Variants in ANO10 observed in about 807,000 individuals in gnomAD.
ANO10 encodes the protein anoctamin-10.
In ANO10, 77 loss-of-function variants were observed where a neutral mutation model predicts 74.7. That is an observed-to-expected ratio of 1.03 (90% CI 0.86 to 1.25). The LOEUF (loss-of-function observed/expected upper bound fraction) is 1.25. Ranked by LOEUF, ANO10 falls within the 50% of genes most tolerant of loss-of-function variation. The probability of loss-of-function intolerance (pLI) is 0.00; values close to 1 mark genes in which losing one functional copy is unlikely to be tolerated. For missense variants in ANO10, 721 were observed against 778.1 expected (o/e 0.93, Z 0.87); for synonymous variants, 279 against 284.9 (o/e 0.98, Z 0.21).
intron 1 of ANO10, among the ~76,000 whole-genome samples, chr3:43,680,282 G>C (rs1226222099): frequency 6.6e-6 from 1 of 152,224 alleles, no homozygotes; most frequent in Admixed American, 6.5e-5. Flanking sequence ...AGAACTATGT[G>C]ACGAATGCAC....
At chr3:43,420,273 C>G (rs1426452239) in intron 12 of ANO10, among the ~76,000 whole-genome samples, 1 of 151,840 alleles carries the variant, frequency 6.6e-6, no homozygotes, top group Non-Finnish European at 1.5e-5. Context: ...TGATGAAACC[C>G]TGTCTCTACA....
At chr3:43,508,131 G>A (rs1420598570) in intron 11 of ANO10, among the ~76,000 whole-genome samples, 1 of 152,048 alleles carries the variant, frequency 6.6e-6, no homozygotes, top group East Asian at 1.9e-4. Flanking sequence ...ACAGAAAAAT[G>A]CTCTAATTCT....
chr3:43,413,499 T>C (rs1332471509), intron 12 of ANO10, among the ~76,000 whole-genome samples: 1 of 151,852 alleles, frequency 6.6e-6, no homozygotes, highest in Non-Finnish European at 1.5e-5. Context: ...GCTTGTGCCA[T>C]ATAAGATGCC....
chr3:43,406,237 C>G (rs1032210381), intron 12 of ANO10, among the ~76,000 whole-genome samples: 1 of 152,192 alleles, frequency 6.6e-6, no homozygotes, highest in Non-Finnish European at 1.5e-5. Context: ...GCCTCCACTC[C>G]TGTGGGGCTG....
chr3:43,458,410 G>A (rs1171279990), intron 11 of ANO10, among the ~76,000 whole-genome samples: 1 of 152,120 alleles, frequency 6.6e-6, no homozygotes, highest in Non-Finnish European at 1.5e-5. Context: ...AGACCACCTT[G>A]CCCTGCAAAG....
At chr3:43,516,941 T>C (rs1179478428) in intron 11 of ANO10, among the ~76,000 whole-genome samples, 1 of 152,156 alleles carries the variant, frequency 6.6e-6, no homozygotes, top group Non-Finnish European at 1.5e-5. Flanking sequence ...GTGGTATTTA[T>C]GGAATGGCCA....
At chr3:43,375,183 T>C (rs746845838) in intron 12 of ANO10, among the ~76,000 whole-genome samples, 8 of 150,762 alleles carry the variant, frequency 5.3e-5, no homozygotes, top group Non-Finnish European at 1.0e-4. Flanking sequence ...CAGTGGCTCA[T>C]GCTGGTAATC....
intron 1 of ANO10, among the ~76,000 whole-genome samples, chr3:43,649,139 A>C (rs1291333702): frequency 6.6e-6 from 1 of 152,156 alleles, no homozygotes; most frequent in Non-Finnish European, 1.5e-5. Context: ...ATTCAAGATG[A>C]AGTTGCTCTG....
chr3:43,648,669 CCCG>C (rs1221315297), intron 1 of ANO10, among the ~76,000 whole-genome samples: 1 of 145,674 alleles, frequency 6.9e-6, no homozygotes, highest in African/African-American at 2.6e-5. Context: ...TGGGTTTTAG[CCCG>C]CTTTTTTTTT....
At chr3:43,621,330 C>G (rs1174278748) in intron 1 of ANO10, among the ~76,000 whole-genome samples, 1 of 152,120 alleles carries the variant, frequency 6.6e-6, no homozygotes, top group Non-Finnish European at 1.5e-5. Flanking sequence ...TTAAACTGTA[C>G]AGTATGTCCC....
intron 11 of ANO10, among the ~76,000 whole-genome samples, chr3:43,512,575 TG>T (rs1344868282): frequency 6.6e-6 from 1 of 152,250 alleles, no homozygotes; most frequent in Admixed American, 6.5e-5. Flanking sequence ...TATTACGTTT[TG>T]CAGTGGTGTG....
chr3:43,418,880 A>T (rs2148909028), intron 12 of ANO10, among the ~76,000 whole-genome samples: 1 of 152,376 alleles, frequency 6.6e-6, no homozygotes, highest in Admixed American at 6.5e-5. Context: ...TTCGGTAAAC[A>T]AAGTTTACTG....
intron 1 of ANO10, among the ~76,000 whole-genome samples, chr3:43,671,126 A>G (rs2084054246): frequency 6.6e-6 from 1 of 152,206 alleles, no homozygotes; most frequent in East Asian, 1.9e-4. Flanking sequence ...GTAAAGATCA[A>G]TGGACTTAAT....
At chr3:43,412,162 G>A (rs1378353456) in intron 12 of ANO10, among the ~76,000 whole-genome samples, 6 of 151,618 alleles carry the variant, frequency 4.0e-5, no homozygotes, top group African/African-American at 1.2e-4. Flanking sequence ...CTGAAGCTAG[G>A]AATAGAAAAC....
At chr3:43,550,225 T>G (rs2079396665) in intron 10 of ANO10, among the ~76,000 whole-genome samples, 1 of 152,162 alleles carries the variant, frequency 6.6e-6, no homozygotes, top group Non-Finnish European at 1.5e-5. Flanking sequence ...CAAACAGAAC[T>G]TATGTTGTGA....
At chr3:43,607,123 A>G (rs1229125857) in intron 1 of ANO10, among the ~76,000 whole-genome samples, 3 of 152,164 alleles carry the variant, frequency 2.0e-5, no homozygotes, top group Admixed American at 6.5e-5. Context: ...AAAATGTGAA[A>G]AAATCCAAAA....
At chr3:43,596,251 G>A (rs2082078267) in intron 4 of ANO10, among the ~76,000 whole-genome samples, 1 of 152,052 alleles carries the variant, frequency 6.6e-6, no homozygotes, top group South Asian at 2.1e-4. Context: ...TCACAGAATT[G>A]GAAAAAACTA....
intron 1 of ANO10, among the ~76,000 whole-genome samples, chr3:43,667,235 C>T (rs935302970): frequency 2.6e-5 from 4 of 151,654 alleles, no homozygotes; most frequent in African/African-American, 9.7e-5. Flanking sequence ...GAATTACAGG[C>T]GTGTGCCACC....
chr3:43,576,841 T>G lies in ANO10; in HGVS notation c.1013A>C (p.Asp338Ala), dbSNP rs370331216. Residue 338 changes from aspartate (D) to alanine (A), a missense_variant, in exon 6 of 13, where the codon GAC becomes GCC. Transcript: ENST00000292246. ...FSLYVMMIYF[D>A]MEVWALGLHE... The stretch of plus-strand genomic sequence containing the variant: ...TAGACCCAAGGCCCAAACCTCCATG[T>G]CGAAGTAAATCATCATGACATACAG... 2.4e-5 allele frequency: 38 copies of G among 1,614,040 alleles called. No homozygotes were observed. The highest frequency in any genetic ancestry group is 5.0e-5 in the Admixed American group (3 of 59,998).
Sources: gnomAD v4.1 joint callset for allele counts (sites outside exome capture counted in the v4.1 genomes callset) on GRCh38, gnomAD v4.1.1 for gene constraint, MANE v1.5 for transcripts, NCBI Gene and HGNC (gene_info 2026-07-23, HGNC 2026-07-21) for gene names.